The following SP2 variants were observed in gnomAD, a reference collection of about 807,000 sequenced individuals.
SP2 encodes Sp2 transcription factor.
SP2 carries 9 observed loss-of-function variants against 50.1 expected under a neutral mutation model. That is an observed-to-expected ratio of 0.18 (90% CI 0.11 to 0.31). The LOEUF (loss-of-function observed/expected upper bound fraction) is 0.31, where lower values mean the gene tolerates loss of function less well. Among genes scored for constraint, SP2 ranks in the 10% least tolerant of loss-of-function variants. SP2 has a pLI of 1.00. For missense variants in SP2, 581 were observed against 806.5 expected (o/e 0.72, Z 3.39); for synonymous variants, 313 against 326.6 (o/e 0.96, Z 0.45).
rs141135915 is a variant in SP2 at position 47,925,088 on chromosome 17, G to A, written c.1542G>A (p.Glu514=). The A allele has an allele frequency of 4.3e-3, 6,881 of 1,607,036 alleles. 12 individuals carry two copies. The highest frequency in any genetic ancestry group is 5.3e-3 in the Non-Finnish European group (6,236 of 1,175,702). Residue 514 remains glutamate, a synonymous_variant, in exon 5 of 7, where the codon GAG becomes GAA. Transcript: ENST00000376741. ...CGTGTCCCAACTGCAAGGATGGGGA[G>A]AAGAGGTAATTCAAGGAGAAGGCCC... ...ACTCPNCKDG[E]KRSGEQGKKK... is the part of the protein sequence containing the mutation.
At chr17:47,912,825 G>A (rs1217948547) in intron 1 of SP2, among the ~76,000 whole-genome samples, 5 of 151,854 alleles carry the variant, frequency 3.3e-5, no homozygotes, top group Non-Finnish European at 5.9e-5. Flanking sequence ...AAATGTGAAC[G>A]GTTCTGCTTT....
intron 1 of SP2, among the ~76,000 whole-genome samples, chr17:47,901,913 A>G (rs2034557434): frequency 6.6e-6 from 1 of 152,242 alleles, no homozygotes; most frequent in Non-Finnish European, 1.5e-5. Context: ...GGGATACATC[A>G]GTGAGTAAGG....
intron 4 of SP2, 130 bp downstream of exon 4, chr17:47,923,404 C>T: frequency 1.4e-6 from 1 of 717,392 alleles, no homozygotes. Flanking sequence ...AAGGGTACGT[C>T]CACCTGCAGC....
At chr17:47,918,526 C>G (rs2143990036) in intron 3 of SP2, 1 of 152,286 alleles carries the variant, frequency 6.6e-6, no homozygotes, top group East Asian at 1.9e-4. Flanking sequence ...CCATGAGGTC[C>G]CATTTCTTGA....
intron 6 of SP2, among the ~76,000 whole-genome samples, chr17:47,926,062 A>C (rs1282684835): frequency 6.6e-6 from 1 of 151,494 alleles, no homozygotes; most frequent in East Asian, 1.9e-4. Flanking sequence ...GACTACAGGC[A>C]CCCACCACCA....
chr17:47,904,126 G>T (rs1598107118), intron 1 of SP2, among the ~76,000 whole-genome samples: 2 of 151,886 alleles, frequency 1.3e-5, no homozygotes, highest in South Asian at 4.1e-4. Context: ...TTAGCCAGGT[G>T]TGGTGGCGGG....
At chr17:47,924,833 T>C in intron 4 of SP2, 86 bp from the exon 5 acceptor site, 2 of 1,266,674 alleles carry the variant, frequency 1.6e-6, no homozygotes, top group Non-Finnish European at 2.2e-6. Flanking sequence ...GTGATTATCA[T>C]CTTTGTCATG....
Position 47,915,368 on chromosome 17 carries a change from C to T in SP2, c.64C>T (p.Pro22Ser). The stretch of plus-strand genomic sequence containing the variant: ...TGTGAGTCCCAGTGACTACCTGCAG[C>T]CTGCCGCCTCCACCACCCAGGCGAG... ...AAVSPSDYLQ[P>S]AASTTQDSQP... Residue 22 changes from proline (P) to serine (S), a missense_variant, in exon 2 of 7, where the codon CCT becomes TCT. Physicochemically the swap from Pro to Ser is moderately conservative, Grantham distance 74 (BLOSUM62 -1). Transcript: ENST00000376741. 2 of 1,613,346 alleles carry T rather than the reference C, an allele frequency of 1.2e-6. No homozygotes were observed. Among genetic ancestry groups the T allele is most frequent in the Non-Finnish European group, 1.7e-6 (2 of 1,179,566 alleles).
rs114932933 is a variant in SP2 at position 47,908,228 on chromosome 17, A to G, written c.8-7084A>G. Among the ~76,000 whole-genome samples, 447 of 152,350 alleles carry G rather than the reference A, an allele frequency of 2.9e-3. 3 individuals are homozygous for G. The highest frequency in any genetic ancestry group is 9.8e-3 in the African/African-American group (409 of 41,582). On this transcript the variant is annotated intron_variant, in intron 1 of 6. Coordinates refer to ENST00000376741, the MANE Select transcript of SP2 (RefSeq NM_003110.6). The stretch of plus-strand genomic sequence containing the variant: ...CACTCAGAACCCAGCCCAGTGTCCA[A>G]ACAGTTTGAGTCCAGGGTAATAAGG...
chr17:47,900,462 TCAC>T (rs1208338125), intron 1 of SP2: 1 of 152,228 alleles, frequency 6.6e-6, no homozygotes, highest in Non-Finnish European at 1.5e-5. Context: ...GGAAATGAAA[TCAC>T]CACTCATTTC....
chr17:47,925,978 G>A lies in SP2; in HGVS notation c.1741+437G>A, dbSNP rs557776652. 1.9e-3 allele frequency among the ~76,000 whole-genome samples: 255 copies of A among 137,616 alleles called. 1 individual carries two copies. The highest frequency in any genetic ancestry group is 0.013 in the South Asian group (57 of 4,436). The allele number at this position is 137,616 out of a possible 152,430, so 90.3% of individuals were successfully genotyped here. ...TTTGCCCAGGCTGGAGTGAAGTGGT[G>A]CGATCTCAGCTCACTGCAGCCTCCA... On this transcript the variant is annotated intron_variant, in intron 6 of 6. Coordinates refer to ENST00000376741, the MANE Select transcript of SP2 (RefSeq NM_003110.6).
intron 6 of SP2, among the ~76,000 whole-genome samples, chr17:47,926,980 C>T (rs991410465): frequency 3.3e-5 from 5 of 152,116 alleles, no homozygotes; most frequent in African/African-American, 1.2e-4. Flanking sequence ...AGTCAACACT[C>T]CACAGAAAAG....
At chr17:47,908,304 C>T (rs1319757870) in intron 1 of SP2, among the ~76,000 whole-genome samples, 2 of 152,176 alleles carry the variant, frequency 1.3e-5, no homozygotes, top group East Asian at 1.9e-4. Context: ...TTTATTTCGT[C>T]TCATTTCATT....
chr17:47,925,904 C>CATTTTTTTT (rs1567704810), intron 6 of SP2, among the ~76,000 whole-genome samples: 1 of 119,478 alleles, frequency 8.4e-6, no homozygotes, highest in African/African-American at 3.3e-5. Context: ...TTTGTTTATG[C>CATTTTTTTT]CTTTTTTTTT....
intron 3 of SP2, among the ~76,000 whole-genome samples, chr17:47,921,791 T>C (rs1315913743): frequency 6.6e-6 from 1 of 152,196 alleles, no homozygotes; most frequent in Non-Finnish European, 1.5e-5. Flanking sequence ...TAGTGGAGCA[T>C]GTGAGTTACA....
intron 1 of SP2, among the ~76,000 whole-genome samples, chr17:47,896,769 A>T (rs932657151): frequency 6.6e-6 from 1 of 152,120 alleles, no homozygotes; most frequent in African/African-American, 2.4e-5. Context: ...TCCCCGGAGA[A>T]CAGAGAGGGG....
intron 3 of SP2, among the ~76,000 whole-genome samples, chr17:47,921,280 G>A (rs769108255): frequency 5.3e-5 from 8 of 152,046 alleles, no homozygotes; most frequent in East Asian, 1.9e-4. Flanking sequence ...ATGGAGTCTC[G>A]CTCTGTCACC....
intron 1 of SP2, chr17:47,899,365 A>T (rs909095291): frequency 7.2e-5 from 11 of 152,128 alleles, no homozygotes; most frequent in African/African-American, 2.7e-4. Flanking sequence ...TTCTTTTTTT[A>T]AAATAATAGA....
rs143471913 is a variant in SP2 at position 47,911,857 on chromosome 17, C to G, written c.8-3455C>G. Among the ~76,000 whole-genome samples the G allele has an allele frequency of 3.6e-3, 552 of 152,014 alleles. 5 individuals are homozygous for G. The highest frequency in any genetic ancestry group is 0.013 in the African/African-American group (540 of 41,482). ...AACACACAAGAAAAGAATAAAAAGG[C>G]CTCTGCGGAGATGCCTGTGAACCCT... On this transcript the variant is annotated intron_variant, in intron 1 of 6. Transcript: ENST00000376741.
Sources: gnomAD v4.1 joint callset for allele counts (sites outside exome capture counted in the v4.1 genomes callset) on GRCh38, gnomAD v4.1.1 for gene constraint, MANE v1.5 for transcripts, NCBI Gene and HGNC (gene_info 2026-07-23, HGNC 2026-07-21) for gene names.